Variants in TTC34 observed in about 807,000 individuals in gnomAD.
TTC34 encodes tetratricopeptide repeat protein 34.
In TTC34, 44 loss-of-function variants were observed where a neutral mutation model predicts 40.7. The ratio of observed to expected loss-of-function variants is 1.08; its 90% CI spans 0.85 to 1.39. The LOEUF is 1.39. TTC34 is among the 40% of genes most tolerant of loss of function. The pLI, the probability that TTC34 is intolerant of heterozygous loss-of-function variation, is 0.00. For synonymous variants in TTC34, 422 were observed against 398.6 expected (o/e 1.06, Z -0.70); for missense variants, 884 against 838.0 (o/e 1.05, Z -0.68).
chr1:2,651,746 C>T (rs1344966809), intron 6 of TTC34, among the ~76,000 whole-genome samples: 2 of 151,702 alleles, frequency 1.3e-5, no homozygotes, highest in Admixed American at 6.6e-5. Context: ...ATCTGACAAC[C>T]TAGAACAGCA....
intron 6 of TTC34, among the ~76,000 whole-genome samples, chr1:2,687,747 G>C (rs1186152309): frequency 1.6e-4 from 23 of 146,142 alleles, no homozygotes; most frequent in African/African-American, 4.8e-4. Flanking sequence ...ACATCCGACA[G>C]CCTGGAGCAG....
At chr1:2,748,759 A>C in intron 6 of TTC34, among the ~76,000 whole-genome samples, 1 of 98,754 alleles carries the variant, frequency 1.0e-5, no homozygotes, top group African/African-American at 4.7e-5. Context: ...CAGCACCCAC[A>C]CCCCTAGGAG....
At chr1:2,801,614 TG>T in exon 1 of TTC34, 1 of 152,474 alleles carries the variant, frequency 6.6e-6, no homozygotes, top group Non-Finnish European at 1.5e-5. Context: ...GGCTGTGCCC[TG>T]GGGACCCAGA....
At chr1:2,751,239 C>A (rs1391052268) in intron 6 of TTC34, among the ~76,000 whole-genome samples, 1 of 103,118 alleles carries the variant, frequency 9.7e-6, no homozygotes, top group Non-Finnish European at 1.9e-5. Flanking sequence ...CCTGGAGCAG[C>A]AGGCACACCC....
intron 6 of TTC34, among the ~76,000 whole-genome samples, chr1:2,691,301 AC>A (rs1640606911): frequency 4.6e-5 from 1 of 21,552 alleles, no homozygotes; most frequent in South Asian, 1.5e-3. Context: ...AGCACCCACA[AC>A]CCCAGGCGAG....
chr1:2,767,425 T>A, intron 6 of TTC34, among the ~76,000 whole-genome samples: 1 of 144,852 alleles, frequency 6.9e-6, no homozygotes, highest in Admixed American at 7.0e-5. Context: ...TCTGACCGCA[T>A]GGAATGGCAT....
chr1:2,764,347 A>C (rs1461661181), intron 6 of TTC34, among the ~76,000 whole-genome samples: 9 of 55,744 alleles, frequency 1.6e-4, no homozygotes, highest in East Asian at 1.3e-3. Context: ...CACACCCCCA[A>C]GTGAGCAGGT....
chr1:2,651,466 G>A (rs1276735440), intron 6 of TTC34, among the ~76,000 whole-genome samples: 1 of 150,844 alleles, frequency 6.6e-6, no homozygotes, highest in East Asian at 2.0e-4. Context: ...AGCCAAGGAC[G>A]CCACCCCACA....
chr1:2,688,685 C>T (rs61765692), intron 6 of TTC34, among the ~76,000 whole-genome samples: 8 of 132,924 alleles, frequency 6.0e-5, no homozygotes, highest in African/African-American at 9.9e-5. Context: ...GGAACAGCAC[C>T]CTGCACCCCC....
At chr1:2,681,924 C>A (rs1570800517) in intron 6 of TTC34, among the ~76,000 whole-genome samples, 2 of 113,826 alleles carry the variant, frequency 1.8e-5, no homozygotes, top group South Asian at 3.0e-4. Context: ...GCGCATGTGA[C>A]AGCCTGGAAC....
At chr1:2,749,034 A>T (rs1641233787) in intron 6 of TTC34, among the ~76,000 whole-genome samples, 1 of 149,478 alleles carries the variant, frequency 6.7e-6, no homozygotes, top group African/African-American at 2.5e-5. Context: ...CTGGAACAGC[A>T]CCCACACCCC....
rs1347678861 is a variant in TTC34 at position 2,751,425 on chromosome 1, C to A, written c.2226+32184G>T. ...CCCACACACACAGGTGGGCATCTGA[C>A]AGCCTGGAACAGAGCCCAGACCCCC... On this transcript the variant is annotated intron_variant, in intron 6 of 8. Transcript: ENST00000401095. Among the ~76,000 whole-genome samples, 11 of 80,880 alleles carry A rather than the reference C, an allele frequency of 1.4e-4. 2 individuals are homozygous for A. The highest frequency in any genetic ancestry group is 2.6e-4 in the Non-Finnish European group (11 of 41,676). The allele number at this position is 80,880 out of a possible 152,430, so 53.1% of individuals were successfully genotyped here. A position where few individuals can be genotyped will look rare whatever the true frequency, so the allele number is the denominator to read the frequency against.
intron 6 of TTC34, among the ~76,000 whole-genome samples, chr1:2,695,795 C>A (rs796719624): frequency 8.3e-5 from 8 of 96,690 alleles, no homozygotes; most frequent in East Asian, 3.2e-4. Flanking sequence ...AGCACGCACA[C>A]CCCCAGTTGA....
At chr1:2,640,257 G>A (rs1192205852) in exon 9 of TTC34, 1 of 152,266 alleles carries the variant, frequency 6.6e-6, no homozygotes, top group Admixed American at 6.5e-5. Context: ...ATGAGAGAAA[G>A]CCCCGGGCTG....
At chr1:2,681,764 A>C (rs1640084654) in intron 6 of TTC34, among the ~76,000 whole-genome samples, 1 of 117,250 alleles carries the variant, frequency 8.5e-6, no homozygotes, top group Non-Finnish European at 2.0e-5. Context: ...AGCATCTGAG[A>C]GCCTGGGTCG....
chr1:2,752,322 C>T (rs1455171081), intron 6 of TTC34, among the ~76,000 whole-genome samples: 48 of 14,342 alleles, frequency 3.3e-3, no homozygotes, highest in East Asian at 7.0e-3. Context: ...CCTGGAACAG[C>T]ACGCACACCC....
At chr1:2,700,182 G>A (rs1641066021) in intron 6 of TTC34, among the ~76,000 whole-genome samples, 1 of 95,340 alleles carries the variant, frequency 1.0e-5, no homozygotes, top group Non-Finnish European at 2.5e-5. Flanking sequence ...CCCCAGGTGA[G>A]CATCCGACAG....
intron 6 of TTC34, among the ~76,000 whole-genome samples, chr1:2,770,024 A>C: frequency 3.2e-5 from 1 of 30,892 alleles, no homozygotes; most frequent in Non-Finnish European, 5.9e-5. Context: ...CTGAAGCAGC[A>C]CCCACACCCC....
At chr1:2,800,933 G>A (rs988169977) in intron 1 of TTC34, 65 bp from the exon 2 acceptor site, 30 of 398,036 alleles carry the variant, frequency 7.5e-5, no homozygotes, top group Non-Finnish European at 1.1e-4. Context: ...GTGGCCACCC[G>A]TGCCCAGCCT....
Sources: gnomAD v4.1 joint callset for allele counts (sites outside exome capture counted in the v4.1 genomes callset) on GRCh38, gnomAD v4.1.1 for gene constraint, MANE v1.5 for transcripts, NCBI Gene and HGNC (gene_info 2026-07-23, HGNC 2026-07-21) for gene names.